RBFOX1: variants seen among roughly 807,000 people sequenced by gnomAD.
RBFOX1 encodes the protein RNA binding fox-1 homolog 1, also known as RNA binding protein fox-1 homolog 1.
In RBFOX1, 8 loss-of-function variants were observed where a neutral mutation model predicts 57.7. That is an observed-to-expected ratio of 0.14 (90% CI 0.08 to 0.25). The LOEUF (loss-of-function observed/expected upper bound fraction) is 0.25, where lower values mean the gene tolerates loss of function less well. Among genes scored for constraint, RBFOX1 ranks in the 10% least tolerant of loss-of-function variants. The probability of loss-of-function intolerance (pLI) is 1.00; values close to 1 mark genes in which losing one functional copy is unlikely to be tolerated. For synonymous variants in RBFOX1, 326 were observed against 222.4 expected (o/e 1.47, Z -4.15); for missense variants, 611 against 548.5 (o/e 1.11, Z -1.14).
intron 4 of RBFOX1, among the ~76,000 whole-genome samples, chr16:7,080,040 ATG>A (rs1193828122): frequency 9.5e-5 from 7 of 73,940 alleles, no homozygotes; most frequent in African/African-American, 2.2e-4. Context: ...ATGTATATAG[ATG>A]TATATATATA....
chr16:7,362,714 A>G (rs572436951), intron 4 of RBFOX1, among the ~76,000 whole-genome samples: 50 of 152,092 alleles, frequency 3.3e-4, no homozygotes, highest in African/African-American at 1.2e-3. Flanking sequence ...TATGCATGCT[A>G]GTGTGTGCAT....
At chr16:7,415,073 G>T (rs1449299729) in intron 4 of RBFOX1, among the ~76,000 whole-genome samples, 1 of 152,202 alleles carries the variant, frequency 6.6e-6, no homozygotes, top group Non-Finnish European at 1.5e-5. Context: ...CAAAGATTCA[G>T]ACTTCATTTC....
chr16:6,790,696 G>T (rs576225202), intron 3 of RBFOX1, among the ~76,000 whole-genome samples: 1 of 152,118 alleles, frequency 6.6e-6, no homozygotes, highest in African/African-American at 2.4e-5. Context: ...TGTGATTTCA[G>T]TTCAGTCTTG....
chr16:6,895,448 G>GTGTGTGTGTGTA (rs869028735), intron 3 of RBFOX1, among the ~76,000 whole-genome samples: 3 of 54,612 alleles, frequency 5.5e-5, no homozygotes, highest in African/African-American at 2.6e-4. Context: ...GTGTGTGTGT[G>GTGTGTGTGTGTA]TATATATATA....
chr16:6,360,000 A>T (rs1358201952), intron 2 of RBFOX1, among the ~76,000 whole-genome samples: 1 of 152,176 alleles, frequency 6.6e-6, no homozygotes, highest in Non-Finnish European at 1.5e-5. Flanking sequence ...GAATGTAGTG[A>T]TTACAGAACG....
At chr16:6,780,026 T>G (rs1487816796) in intron 3 of RBFOX1, among the ~76,000 whole-genome samples, 2 of 28,812 alleles carry the variant, frequency 6.9e-5, no homozygotes, top group Non-Finnish European at 1.0e-4. Flanking sequence ...TTTATATATT[T>G]ATATATATTT....
intron 2 of RBFOX1, among the ~76,000 whole-genome samples, chr16:6,622,487 T>G (rs2098247428): frequency 6.6e-6 from 1 of 152,200 alleles, no homozygotes; most frequent in South Asian, 2.1e-4. Flanking sequence ...TGTGTGTGTG[T>G]AGTAGGCTAC....
downstream of RBFOX1, among the ~76,000 whole-genome samples, chr16:5,602,955 G>A (rs1396780354): frequency 1.3e-5 from 2 of 152,308 alleles, no homozygotes; most frequent in African/African-American, 2.4e-5. Context: ...TGGAAATGCT[G>A]TGTCGTTCCT....
chr16:7,426,576 G>C (rs932821615), intron 4 of RBFOX1, among the ~76,000 whole-genome samples: 1 of 152,166 alleles, frequency 6.6e-6, no homozygotes, highest in Non-Finnish European at 1.5e-5. Flanking sequence ...AAACCAAATA[G>C]ATGCGCCAAG....
At chr16:7,395,789 T>C (rs191405906) in intron 4 of RBFOX1, among the ~76,000 whole-genome samples, 1 of 152,302 alleles carries the variant, frequency 6.6e-6, no homozygotes, top group East Asian at 1.9e-4. Context: ...GGCGTACATA[T>C]TTACCCTCAA....
At chr16:5,483,296 T>C (rs919577902) in intron 2 of RBFOX1, among the ~76,000 whole-genome samples, 3 of 152,192 alleles carry the variant, frequency 2.0e-5, no homozygotes, top group Non-Finnish European at 4.4e-5. Context: ...CTTCATGCTC[T>C]TCGTGCTCTT....
intron 5 of RBFOX1, among the ~76,000 whole-genome samples, chr16:7,567,151 C>CTATA (rs34792926): frequency 8.3e-4 from 51 of 61,134 alleles, no homozygotes; most frequent in Non-Finnish European, 1.8e-3. Flanking sequence ...ATATATATCC[C>CTATA]TATATATATA....
At chr16:5,882,672 G>C (rs1003253356) in intron 4 of RBFOX1, among the ~76,000 whole-genome samples, 4 of 152,186 alleles carry the variant, frequency 2.6e-5, no homozygotes, top group African/African-American at 9.6e-5. Flanking sequence ...CTGCTCCAGA[G>C]CTCCCCATGG....
At chr16:6,261,258 G>C (rs945768014) in intron 1 of RBFOX1, among the ~76,000 whole-genome samples, 9 of 152,188 alleles carry the variant, frequency 5.9e-5, no homozygotes, top group African/African-American at 1.9e-4. Context: ...AAAAGTCCTG[G>C]CATATCCTCA....
At chr16:6,925,882 T>C (rs1181370956) in intron 3 of RBFOX1, among the ~76,000 whole-genome samples, 1 of 152,212 alleles carries the variant, frequency 6.6e-6, no homozygotes, top group African/African-American at 2.4e-5. Context: ...TACATTTCTC[T>C]ATGTAATTTT....
chr16:7,487,033 G>T (rs905833560), intron 4 of RBFOX1, among the ~76,000 whole-genome samples: 1 of 152,112 alleles, frequency 6.6e-6, no homozygotes, highest in African/African-American at 2.4e-5. Flanking sequence ...CCGAGTAGCT[G>T]AGCTTACAGG....
intron 4 of RBFOX1, among the ~76,000 whole-genome samples, chr16:7,229,720 GGAAGCA>G (rs2093371467): frequency 7.6e-6 from 1 of 131,912 alleles, no homozygotes; most frequent in South Asian, 2.9e-4. Flanking sequence ...GGGAGAGAGA[GGAAGCA>G]AGGGAGGGAG....
At chr16:6,613,210 C>A (rs2098092512) in intron 2 of RBFOX1, among the ~76,000 whole-genome samples, 1 of 152,122 alleles carries the variant, frequency 6.6e-6, no homozygotes, top group South Asian at 2.1e-4. Context: ...TTCCAAGCAG[C>A]TCCCCCACTG....
intron 1 of RBFOX1, among the ~76,000 whole-genome samples, chr16:6,167,740 T>A (rs933066313): frequency 6.6e-6 from 1 of 152,154 alleles, no homozygotes; most frequent in African/African-American, 2.4e-5. Flanking sequence ...AGCCTCATCA[T>A]TCTTGGATGT....
Sources: gnomAD v4.1 joint callset for allele counts (sites outside exome capture counted in the v4.1 genomes callset) on GRCh38, gnomAD v4.1.1 for gene constraint, MANE v1.5 for transcripts, NCBI Gene and HGNC (gene_info 2026-07-23, HGNC 2026-07-21) for gene names.